The following RUFY3 variants were observed in gnomAD, a reference collection of about 807,000 sequenced individuals.
RUFY3 encodes the protein protein RUFY3.
A neutral mutation model predicts 84.0 loss-of-function variants in RUFY3; 34 were observed. The ratio of observed to expected loss-of-function variants is 0.40; its 90% CI spans 0.31 to 0.54. RUFY3 has a LOEUF of 0.54. Ranked by LOEUF, RUFY3 falls within the 20% of genes least tolerant of loss-of-function variation. RUFY3 has a pLI of 0.39. For synonymous variants in RUFY3, 242 were observed against 252.9 expected (o/e 0.96, Z 0.41); for missense variants, 507 against 736.8 (o/e 0.69, Z 3.61).
At chr4:70,804,652 TCA>T (rs932297628) in intron 17 of RUFY3, among the ~76,000 whole-genome samples, 16 of 150,812 alleles carry the variant, frequency 1.1e-4, no homozygotes, top group African/African-American at 3.7e-4. Context: ...GCGCGGTGAC[TCA>T]CGCCTGTAAT....
chr4:70,762,492 C>A, intron 1 of RUFY3, 27 bp from the exon 2 acceptor site: 1 of 1,582,082 alleles, frequency 6.3e-7, no homozygotes, highest in South Asian at 1.1e-5. Flanking sequence ...AGTAACCAGC[C>A]TTCATCTTCT....
intron 14 of RUFY3, chr4:70,799,864 C>A: frequency 6.3e-6 from 2 of 317,154 alleles, no homozygotes; most frequent in South Asian, 4.9e-5. Context: ...ATATCTGGAG[C>A]CAACTTTGCA....
chr4:70,728,426 G>C (rs576220157), intron 1 of RUFY3, among the ~76,000 whole-genome samples: 2 of 152,216 alleles, frequency 1.3e-5, no homozygotes, highest in African/African-American at 4.8e-5. Flanking sequence ...TTTGAAGTAG[G>C]GTTTCTACTG....
At chr4:70,767,685 A>T (rs1726211287) in intron 4 of RUFY3, among the ~76,000 whole-genome samples, 1 of 147,000 alleles carries the variant, frequency 6.8e-6, no homozygotes, top group African/African-American at 2.5e-5. Flanking sequence ...GTCTTCACGA[A>T]TTTTTTTTTT....
chr4:70,807,538 T>TAAGA lies in RUFY3; in HGVS notation c.*880_*883dup, dbSNP rs1180698503. Among the ~76,000 whole-genome samples, 14 of 152,204 alleles carry TAAGA rather than the reference T, an allele frequency of 9.2e-5. No homozygotes were observed. The highest frequency in any genetic ancestry group is 3.4e-4 in the African/African-American group (14 of 41,456). ...GTAAAATAAGTTTAATTTGTTTTCT[T>TAAGA]AAGACAGGGTCTTGCTCTGTTGCAC... On this transcript the variant is annotated 3_prime_UTR_variant, in exon 18 of 18. Transcript: ENST00000381006.
At chr4:70,775,881 C>T (rs1415322885) in intron 7 of RUFY3, among the ~76,000 whole-genome samples, 4 of 146,374 alleles carry the variant, frequency 2.7e-5, no homozygotes, top group African/African-American at 1.0e-4. Context: ...GCTGAGGCTG[C>T]AGTGAACCCT....
intron 16 of RUFY3, among the ~76,000 whole-genome samples, chr4:70,803,950 G>A (rs1732559449): frequency 1.3e-5 from 2 of 150,992 alleles, no homozygotes; most frequent in Non-Finnish European, 2.9e-5. Flanking sequence ...GGCCAGGCTG[G>A]TCTTGAACTC....
At chr4:70,785,986 T>C (rs1729732981) in intron 10 of RUFY3, among the ~76,000 whole-genome samples, 2 of 152,152 alleles carry the variant, frequency 1.3e-5, no homozygotes, top group Admixed American at 6.5e-5. Context: ...GTAGCCAAGA[T>C]AGGGAATCAA....
intron 1 of RUFY3, among the ~76,000 whole-genome samples, chr4:70,729,494 G>A (rs1312213559): frequency 6.6e-6 from 1 of 152,120 alleles, no homozygotes; most frequent in East Asian, 1.9e-4. Context: ...CTGACCTCAA[G>A]TGATCTGCCC....
At chr4:70,749,500 CA>C (rs2148667876) in intron 1 of RUFY3, among the ~76,000 whole-genome samples, 1 of 141,590 alleles carries the variant, frequency 7.1e-6, no homozygotes, top group South Asian at 2.3e-4. Flanking sequence ...TGACTCATTT[CA>C]ATGCTAAAGC....
At chr4:70,789,467 G>T in intron 11 of RUFY3, 28 bp from the exon 12 acceptor site, 1 of 1,594,022 alleles carries the variant, frequency 6.3e-7, no homozygotes, top group Non-Finnish European at 8.6e-7. Context: ...ATGTTATACA[G>T]GTTGTTTATC....
At chr4:70,803,068 G>A in intron 16 of RUFY3, 85 bp downstream of exon 16, 1 of 963,152 alleles carries the variant, frequency 1.0e-6, no homozygotes, top group South Asian at 1.4e-5. Flanking sequence ...AGGTAGCATG[G>A]GCGGAAGATG....
intron 1 of RUFY3, 78 bp downstream of exon 1, chr4:70,722,829 G>A (rs1013798774): frequency 1.4e-6 from 2 of 1,415,790 alleles, no homozygotes; most frequent in Admixed American, 1.9e-5. Context: ...ATCAGGGAGA[G>A]GTAGAAAGAA....
intron 8 of RUFY3, among the ~76,000 whole-genome samples, chr4:70,782,641 A>G (rs1729123565): frequency 6.6e-6 from 1 of 151,906 alleles, no homozygotes; most frequent in Non-Finnish European, 1.5e-5. Context: ...GGTCGGGCGC[A>G]GTGGCTCATG....
In RUFY3 at chr4:70,804,422, T is replaced by A; in HGVS notation, c.1719+6T>A. The A allele has an allele frequency of 4.3e-6, 7 of 1,613,220 alleles. No homozygotes were observed. The highest frequency in any genetic ancestry group is 5.9e-6 in the Non-Finnish European group (7 of 1,179,316). On this transcript the variant is annotated splice_donor_region_variant and intron_variant, in intron 17 of 17. Coordinates refer to ENST00000381006, the MANE Select transcript of RUFY3 (RefSeq NM_001037442.4). ...AAGACGGCAGCCTAACAAAGGTAAC[T>A]GTGATGAGAAACGGACAGGCTTTTC...
chr4:70,761,907 A>G (rs1243338234), intron 1 of RUFY3, among the ~76,000 whole-genome samples: 2 of 152,208 alleles, frequency 1.3e-5, no homozygotes. Context: ...AATTATGCAG[A>G]GAAAAGAGGG....
At chr4:70,771,433 A>G (rs1726934123) in intron 5 of RUFY3, among the ~76,000 whole-genome samples, 1 of 152,148 alleles carries the variant, frequency 6.6e-6, no homozygotes, top group African/African-American at 2.4e-5. Context: ...TTCCCTAAAA[A>G]CGTTAAGTAC....
chr4:70,752,910 T>C (rs1560496175), intron 1 of RUFY3, among the ~76,000 whole-genome samples: 1 of 152,224 alleles, frequency 6.6e-6, no homozygotes, highest in Non-Finnish European at 1.5e-5. Context: ...AAGGTAATAT[T>C]AGTGTCATAG....
Position 70,707,702 on chromosome 4 carries a change from C to A in RUFY3, c.358+2408C>A, listed in dbSNP as rs1368965822. ...TAAAGATTAGTCACTGAGAACATTTCATATTAGCAAAAAAAAAAAAATCAC... is the reference window on the plus strand; with the variant it reads ...TAAAGATTAGTCACTGAGAACATTTAATATTAGCAAAAAAAAAAAAATCAC... On this transcript the variant is annotated intron_variant, in intron 1 of 11. Transcript: ENST00000417478. 5.6e-5 allele frequency among the ~76,000 whole-genome samples: 8 copies of A among 143,430 alleles called. No individual in the cohort carries two copies. The East Asian group carries it at 1.6e-3, about 29-fold the overall frequency. 94.1% of individuals were successfully genotyped at this position (143,430 alleles called of 152,430 possible).
Sources: gnomAD v4.1 joint callset for allele counts (sites outside exome capture counted in the v4.1 genomes callset) on GRCh38, gnomAD v4.1.1 for gene constraint, MANE v1.5 for transcripts, NCBI Gene and HGNC (gene_info 2026-07-23, HGNC 2026-07-21) for gene names.